Variants in ADGRE3 observed in about 807,000 individuals in gnomAD.
ADGRE3 encodes the protein EGF-like module receptor 3.
In ADGRE3, 88 loss-of-function variants were observed where a neutral mutation model predicts 80.1. That is an observed-to-expected ratio of 1.10 (90% CI 0.93 to 1.31). The LOEUF (loss-of-function observed/expected upper bound fraction) is 1.31, where lower values mean the gene tolerates loss of function less well. Among genes scored for constraint, ADGRE3 ranks in the 40% most tolerant of loss-of-function variants. ADGRE3 has a pLI of 0.00. For missense variants in ADGRE3, 715 were observed against 776.5 expected (o/e 0.92, Z 0.94); for synonymous variants, 281 against 294.8 (o/e 0.95, Z 0.48).
At chr19:14,633,122 G>T in intron 12 of ADGRE3, 110 bp from the exon 13 acceptor site, 1 of 1,256,514 alleles carries the variant, frequency 8.0e-7, no homozygotes, top group Non-Finnish European at 1.1e-6. Context: ...TGAATTGGTA[G>T]CAGGTGGAAA....
At position 14,647,152 on chromosome 19, in the gene ADGRE3, C is replaced by G. The variant is rs528128071; in HGVS notation, c.882+29G>C. ...CGTTTGGCCTGCCTCCTTGAGAACC[C>G]ACAAGCTCAAATCATACCTGTGACC... On this transcript the variant is annotated intron_variant, in intron 8 of 15. Transcript: ENST00000253673. The G allele has an allele frequency of 3.1e-6, 5 of 1,602,246 alleles. No individual in the cohort carries two copies. In the East Asian group the frequency reaches 1.1e-4, roughly 36 times the overall value.
intron 13 of ADGRE3, among the ~76,000 whole-genome samples, chr19:14,631,152 G>A (rs1412448302): frequency 6.6e-6 from 1 of 152,088 alleles, no homozygotes; most frequent in Non-Finnish European, 1.5e-5. Context: ...GATTACAGGT[G>A]TGAGCCACCC....
chr19:14,623,951 C>T (rs1247444893), intron 15 of ADGRE3, among the ~76,000 whole-genome samples: 1 of 152,140 alleles, frequency 6.6e-6, no homozygotes, highest in Non-Finnish European at 1.5e-5. Flanking sequence ...TCCTCATACC[C>T]TCCAGGAAAG....
chr19:14,658,126 C>T (rs1392435046), intron 5 of ADGRE3, among the ~76,000 whole-genome samples: 2 of 151,912 alleles, frequency 1.3e-5, no homozygotes, highest in African/African-American at 2.4e-5. Flanking sequence ...AGTGGATCCC[C>T]GCAGTTCAAA....
At chr19:14,620,535 TTTTATATATATATTATA>T (rs369909273) in intron 15 of ADGRE3, among the ~76,000 whole-genome samples, 428 of 16,690 alleles carry the variant, frequency 0.026, 32 homozygotes, top group African/African-American at 0.044. Flanking sequence ...AATATATATA[TTTTATATATATATTATA>T]TATATATATA....
At chr19:14,603,470 T>C in the ADGRE3 span, among the ~76,000 whole-genome samples, 3 of 151,834 alleles carry the variant, frequency 2.0e-5, no homozygotes, top group Non-Finnish European at 2.9e-5. Context: ...ATAGCTCACT[T>C]TTTTTTTGAG....
chr19:14,639,270 T>C (rs1971182897), intron 10 of ADGRE3, among the ~76,000 whole-genome samples: 1 of 152,198 alleles, frequency 6.6e-6, no homozygotes, highest in African/African-American at 2.4e-5. Context: ...TTATCCTGGT[T>C]TGGTCATTTC....
intron 5 of ADGRE3, among the ~76,000 whole-genome samples, chr19:14,656,111 C>T (rs1461492866): frequency 1.3e-5 from 2 of 151,740 alleles, no homozygotes; most frequent in East Asian, 1.9e-4. Context: ...TTTGGAAGGC[C>T]GAGGGGGGTG....
chr19:14,662,788 C>T (rs1212670982), intron 3 of ADGRE3, among the ~76,000 whole-genome samples: 1 of 151,214 alleles, frequency 6.6e-6, no homozygotes, highest in Non-Finnish European at 1.5e-5. Flanking sequence ...TTATCCCTGG[C>T]CAGGTGCAGG....
At chr19:14,661,693 T>G (rs866164538) in intron 4 of ADGRE3, among the ~76,000 whole-genome samples, 1 of 152,178 alleles carries the variant, frequency 6.6e-6, no homozygotes, top group Non-Finnish European at 1.5e-5. Context: ...GAGGAAGGAC[T>G]GCCGCCTGTA....
chr19:14,611,311 C>T, the ADGRE3 span, among the ~76,000 whole-genome samples: 12 of 151,108 alleles, frequency 7.9e-5, no homozygotes, highest in African/African-American at 2.7e-4. Context: ...GTGAGGTTTG[C>T]ACAAGCTAAG....
chr19:14,606,983 T>C, the ADGRE3 span: 1 of 1,268,132 alleles, frequency 7.9e-7, no homozygotes, highest in Non-Finnish European at 1.0e-6. Flanking sequence ...AATGGAATTT[T>C]TATTTGCAGA....
At chr19:14,636,668 TCACTGC>T (rs941672396) in intron 11 of ADGRE3, among the ~76,000 whole-genome samples, 3 of 152,116 alleles carry the variant, frequency 2.0e-5, no homozygotes, top group Non-Finnish European at 4.4e-5. Context: ...CATCCAGGAT[TCACTGC>T]CAGGTCAGCT....
chr19:14,619,376 A>G lies in ADGRE3; in HGVS notation c.*57T>C. The G allele has an allele frequency of 1.6e-6, 2 of 1,253,304 alleles. No individual in the cohort carries two copies. The highest frequency in any genetic ancestry group is 2.3e-6 in the Non-Finnish European group (2 of 855,030). The allele number at this position is 1,253,304 out of a possible 1,614,324, so 77.6% of individuals were successfully genotyped here. A position where few individuals can be genotyped will look rare whatever the true frequency, so the allele number is the denominator to read the frequency against. On this transcript the variant is annotated 3_prime_UTR_variant, in exon 16 of 16. Coordinates refer to ENST00000253673, the MANE Select transcript of ADGRE3 (RefSeq NM_032571.5). ...TCCCTTTTCCTTAGCTTCATTCTTCATAATGCCAAAGAGATCCATGGATAT... is the reference window on the plus strand; with the variant it reads ...TCCCTTTTCCTTAGCTTCATTCTTCGTAATGCCAAAGAGATCCATGGATAT...
chr19:14,643,311 A>G (rs1170712020), intron 9 of ADGRE3, among the ~76,000 whole-genome samples: 2 of 151,162 alleles, frequency 1.3e-5, no homozygotes, highest in Middle Eastern at 3.2e-3. Context: ...ACACCTGGCT[A>G]ATTTTTGTAT....
intron 15 of ADGRE3, among the ~76,000 whole-genome samples, chr19:14,619,989 C>G (rs1026789636): frequency 1.3e-5 from 2 of 152,150 alleles, no homozygotes; most frequent in Admixed American, 1.3e-4. Flanking sequence ...AAAGTTACAT[C>G]TTCCTTCCTG....
At chr19:14,624,155 C>A (rs971838702) in intron 15 of ADGRE3, among the ~76,000 whole-genome samples, 2 of 150,104 alleles carry the variant, frequency 1.3e-5, no homozygotes, top group African/African-American at 2.5e-5. Context: ...AGTGCAATGG[C>A]ACGAGCTCGG....
At chr19:14,626,424 A>G (rs1458597213) in intron 14 of ADGRE3, among the ~76,000 whole-genome samples, 3 of 152,114 alleles carry the variant, frequency 2.0e-5, no homozygotes, top group African/African-American at 7.2e-5. Context: ...GAGACAGAGC[A>G]ACACTTCATC....
At chr19:14,631,124 G>A (rs1485621153) in intron 13 of ADGRE3, among the ~76,000 whole-genome samples, 3 of 151,914 alleles carry the variant, frequency 2.0e-5, no homozygotes, top group African/African-American at 7.3e-5. Flanking sequence ...CACCTGCCTC[G>A]GCCTCCCAAA....
Sources: allele counts gnomAD v4.1 joint callset (sites outside exome capture counted in the v4.1 genomes callset), GRCh38; gene constraint gnomAD v4.1.1; transcripts MANE v1.5; gene names NCBI Gene and HGNC (gene_info 2026-07-23, HGNC 2026-07-21).